The following EZH2 variants were observed in gnomAD, a reference collection of about 807,000 sequenced individuals.
The protein encoded by EZH2 is histone-lysine N-methyltransferase EZH2.
Under a neutral mutation model 98.4 loss-of-function variants are expected in EZH2, and 18 were observed. The ratio of observed to expected loss-of-function variants is 0.18; its 90% CI spans 0.13 to 0.27. EZH2 has a LOEUF of 0.27. Among genes scored for constraint, EZH2 ranks in the 10% least tolerant of loss-of-function variants. The pLI is 1.00. For synonymous variants in EZH2, 338 were observed against 312.3 expected (o/e 1.08, Z -0.87); for missense variants, 470 against 935.1 (o/e 0.50, Z 6.49).
intron 3 of EZH2, among the ~76,000 whole-genome samples, chr7:148,839,420 G>C (rs1178992032): frequency 1.3e-5 from 2 of 150,576 alleles, no homozygotes; most frequent in Non-Finnish European, 2.9e-5. Flanking sequence ...AAGATAGGTA[G>C]ATAATTTATA....
At chr7:148,875,670 T>C (rs770246689) in intron 1 of EZH2, among the ~76,000 whole-genome samples, 12 of 152,334 alleles carry the variant, frequency 7.9e-5, no homozygotes, top group East Asian at 1.9e-4. Context: ...TTTAAAATGG[T>C]ACAACTATTT....
intron 4 of EZH2, among the ~76,000 whole-genome samples, chr7:148,831,170 T>G (rs1297199134): frequency 1.3e-5 from 2 of 151,662 alleles, no homozygotes; most frequent in African/African-American, 4.9e-5. Flanking sequence ...AGGTAACAAA[T>G]TTAGGACAAC....
intron 3 of EZH2, among the ~76,000 whole-genome samples, chr7:148,840,101 G>A (rs943945741): frequency 6.6e-6 from 1 of 152,138 alleles, no homozygotes; most frequent in East Asian, 1.9e-4. Flanking sequence ...GCTGGTGGGG[G>A]TGTAATGTAA....
chr7:148,817,349 T>C lies in EZH2; in HGVS notation c.1283A>G (p.Asn428Ser), dbSNP rs1163934928. 2 of 1,613,936 alleles carry C rather than the reference T, an allele frequency of 1.2e-6. No individual in the cohort carries two copies. The highest frequency in any genetic ancestry group is 1.1e-5 in the South Asian group (1 of 90,984). The change falls in exon 11 of 20, where the codon AAT becomes AGT. Residue 428 changes from asparagine (N) to serine (S), a missense_variant. Coordinates refer to ENST00000320356, the MANE Select transcript of EZH2 (RefSeq NM_004456.5). Reference protein sequence around the residue: ...RCQTPIKMKPNIEPPENVEWS... With the variant: ...RCQTPIKMKPSIEPPENVEWS... ...CTCCACATTCTCAGGAGGTTCAATA[T>C]TTGGCTTCATCTTTATTGGTGTTTG...
At chr7:148,851,734 AGTGGCGCACACCT>A (rs1242162060) in intron 1 of EZH2, among the ~76,000 whole-genome samples, 2 of 152,158 alleles carry the variant, frequency 1.3e-5, no homozygotes, top group Non-Finnish European at 2.9e-5. Flanking sequence ...AGCCAGGTGT[AGTGGCGCACACCT>A]GTGGTCCCAA....
chr7:148,884,254 C>G lies in EZH2; in HGVS notation c.-98G>C. ...CCGGGGCTCCACTGCCTTCTGAGTC[C>G]CACCGGGTGTCGGACGCGACCGGAC... is the stretch of plus-strand genomic sequence containing the variant. On this transcript the variant is annotated 5_prime_UTR_variant, in exon 1 of 20. Transcript: ENST00000320356. 1 of 181,090 alleles carries G rather than the reference C, an allele frequency of 5.5e-6. No individual in the cohort carries two copies. Among genetic ancestry groups the G allele is most frequent in the Non-Finnish European group, 1.2e-5 (1 of 84,798 alleles). The allele number at this position is 181,090 out of a possible 1,614,324, so 11.2% of individuals were successfully genotyped here.
chr7:148,811,650 TC>T lies in EZH2; in HGVS notation c.1921del (p.Glu641AsnfsTer34). ...CTCTCCACAGTATTCTGAGATGAAT[TC>T]ATTTTTCTGCACAGGATCTTTGATA... ...IFIKDPVQKN[E>X]FISEYCGEII... On this transcript the variant is annotated frameshift_variant, in exon 16 of 20. Transcript: ENST00000320356. LOFTEE classifies it high-confidence loss of function. 1 of 1,613,808 alleles carries T rather than the reference TC, an allele frequency of 6.2e-7. No homozygotes were observed.
chr7:148,866,393 G>A (rs1818446265), intron 1 of EZH2, among the ~76,000 whole-genome samples: 1 of 151,452 alleles, frequency 6.6e-6, no homozygotes, highest in Non-Finnish European at 1.5e-5. Flanking sequence ...TTCCCAGCTT[G>A]CCCCTTCTAT....
chr7:148,829,593 G>A, intron 5 of EZH2, 135 bp downstream of exon 5: 1 of 903,046 alleles, frequency 1.1e-6, no homozygotes, highest in Non-Finnish European at 1.6e-6. Context: ...CCTGGGCCCA[G>A]GTTCAGTCCC....
chr7:148,828,308 C>G (rs183935191), intron 6 of EZH2, among the ~76,000 whole-genome samples: 2 of 152,142 alleles, frequency 1.3e-5, no homozygotes, highest in African/African-American at 4.8e-5. Flanking sequence ...CAAAGATACT[C>G]AAGTGAAGAT....
chr7:148,881,797 C>T lies in EZH2; in HGVS notation c.-8+2367G>A, dbSNP rs527320085. Among the ~76,000 whole-genome samples, 66 of 151,608 alleles carry T rather than the reference C, an allele frequency of 4.4e-4. 1 individual carries two copies. The highest frequency in any genetic ancestry group is 3.4e-3 in the Middle Eastern group (1 of 294). ...AAAAATACAAAAATTAGCCGGGTGTCGTGGTGCGTGCCTGTAGTTCCAGCT... is the reference window on the plus strand; with the variant it reads ...AAAAATACAAAAATTAGCCGGGTGTTGTGGTGCGTGCCTGTAGTTCCAGCT... On this transcript the variant is annotated intron_variant, in intron 1 of 19. Transcript: ENST00000320356.
intron 6 of EZH2, among the ~76,000 whole-genome samples, chr7:148,827,984 G>C (rs763472225): frequency 1.9e-4 from 29 of 152,218 alleles, no homozygotes; most frequent in Non-Finnish European, 4.1e-4. Context: ...TGGGTGTGGT[G>C]GCAGGTGCCT....
chr7:148,847,684 C>T (rs964992629), intron 1 of EZH2, among the ~76,000 whole-genome samples: 1 of 146,304 alleles, frequency 6.8e-6, no homozygotes, highest in African/African-American at 2.5e-5. Context: ...TTAGCTGTTA[C>T]AGTAGCAAGG....
At chr7:148,840,262 T>A (rs1812088327) in intron 3 of EZH2, among the ~76,000 whole-genome samples, 1 of 152,126 alleles carries the variant, frequency 6.6e-6, no homozygotes, top group Admixed American at 6.5e-5. Flanking sequence ...ATTGCAAAAG[T>A]AAAAATTAAA....
At chr7:148,816,885 C>A in intron 11 of EZH2, 107 bp from the exon 12 acceptor site, 1 of 787,752 alleles carries the variant, frequency 1.3e-6, no homozygotes, top group Admixed American at 1.9e-5. Context: ...TGTGACACTG[C>A]TAGATGCTGG....
chr7:148,872,504 A>G (rs910920313), intron 1 of EZH2, among the ~76,000 whole-genome samples: 1 of 152,250 alleles, frequency 6.6e-6, no homozygotes, highest in Non-Finnish European at 1.5e-5. Context: ...CAATTTTTAA[A>G]AAAAGTAAAA....
At chr7:148,866,085 T>C (rs967304682) in intron 1 of EZH2, among the ~76,000 whole-genome samples, 3 of 152,120 alleles carry the variant, frequency 2.0e-5, no homozygotes, top group Admixed American at 6.5e-5. Flanking sequence ...AAGATAGAGG[T>C]AAACGAGGTA....
At chr7:148,826,704 G>A (rs2129475606) in intron 7 of EZH2, 72 bp from the exon 8 acceptor site, 1 of 1,238,178 alleles carries the variant, frequency 8.1e-7, no homozygotes, top group East Asian at 2.6e-5. Context: ...TTTCTAAAAG[G>A]TTTCCATGTG....
rs755222312 is a variant in EZH2, at chr7:148,832,778, TTAAGAA to T, written c.247-34_247-29del. The T allele has an allele frequency of 6.3e-6, 9 of 1,425,344 alleles. No individual in the cohort carries two copies. The South Asian group carries it at 9.4e-5, about 15-fold the overall frequency. 88.3% of individuals were successfully genotyped at this position (1,425,344 alleles called of 1,614,324 possible). On this transcript the variant is annotated intron_variant, in intron 3 of 19. Coordinates refer to ENST00000320356, the MANE Select transcript of EZH2 (RefSeq NM_004456.5). ...AAAACAGAAAAAATAAAATTGACTC[TTAAGAA>T]TAAAAGGACAACCTTAAGCTGTAGC...
Sources: allele counts gnomAD v4.1 joint callset (sites outside exome capture counted in the v4.1 genomes callset), GRCh38; gene constraint gnomAD v4.1.1; transcripts MANE v1.5; gene names NCBI Gene and HGNC (gene_info 2026-07-23, HGNC 2026-07-21).